Variants in GLIS3 observed in about 807,000 individuals in gnomAD.
The protein encoded by GLIS3 is GLIS family zinc finger 3.
GLIS3 carries 53 observed loss-of-function variants against 78.6 expected under a neutral mutation model. The ratio of observed to expected loss-of-function variants is 0.67; its 90% CI spans 0.54 to 0.85. GLIS3 has a LOEUF of 0.85. Among genes scored for constraint, GLIS3 ranks in the 40% least tolerant of loss-of-function variants. The probability of loss-of-function intolerance (pLI) is 0.00; values close to 1 mark genes in which losing one functional copy is unlikely to be tolerated. For synonymous variants in GLIS3, 684 were observed against 509.9 expected, an observed-to-expected ratio of 1.34 and a Z score of -4.60; for missense variants, 1,703 against 1,231.1, an observed-to-expected ratio of 1.38 and a Z score of -5.74.
chr9:4,326,067 G>C (rs1174934368), intron 2 of GLIS3, among the ~76,000 whole-genome samples: 1 of 152,156 alleles, frequency 6.6e-6, no homozygotes, highest in Non-Finnish European at 1.5e-5. Flanking sequence ...GTGGCAGGGA[G>C]GTAGAGCCTC....
At chr9:4,277,896 C>T (rs993319861) in intron 2 of GLIS3, among the ~76,000 whole-genome samples, 2 of 152,072 alleles carry the variant, frequency 1.3e-5, no homozygotes, top group Non-Finnish European at 2.9e-5. Context: ...ACAATATAAC[C>T]GGGATCCTTC....
chr9:4,278,431 T>C (rs891275675), intron 2 of GLIS3, among the ~76,000 whole-genome samples: 4 of 152,282 alleles, frequency 2.6e-5, no homozygotes, highest in East Asian at 1.9e-4. Flanking sequence ...AATGGGAACA[T>C]GTCATAAAGA....
chr9:4,477,935 T>C, the GLIS3 span, among the ~76,000 whole-genome samples: 1 of 152,234 alleles, frequency 6.6e-6, no homozygotes, highest in African/African-American at 2.4e-5. Context: ...CATTTGTCTC[T>C]TGCTATGAAA....
At chr9:3,879,875 A>G (rs1257015244) in intron 7 of GLIS3, among the ~76,000 whole-genome samples, 1 of 152,112 alleles carries the variant, frequency 6.6e-6, no homozygotes, top group Non-Finnish European at 1.5e-5. Context: ...ACACTGTATA[A>G]TTAGTCAGTC....
chr9:3,866,682 G>C (rs1479245547), intron 8 of GLIS3, among the ~76,000 whole-genome samples: 3 of 152,214 alleles, frequency 2.0e-5, no homozygotes, highest in African/African-American at 7.2e-5. Flanking sequence ...GGCTGGAACA[G>C]ATTAAACAAG....
the GLIS3 span, among the ~76,000 whole-genome samples, chr9:4,395,216 C>T: frequency 6.6e-6 from 1 of 152,184 alleles, no homozygotes; most frequent in African/African-American, 2.4e-5. Context: ...ACTCCAGTCA[C>T]ATCTTCTCCC....
chr9:4,153,356 G>A (rs1834822352), intron 2 of GLIS3, among the ~76,000 whole-genome samples: 1 of 152,170 alleles, frequency 6.6e-6, no homozygotes, highest in Non-Finnish European at 1.5e-5. Flanking sequence ...TTGAGGTCAG[G>A]AGTTCAAGAC....
At chr9:4,300,219 C>T (rs1817005304), upstream of GLIS3, among the ~76,000 whole-genome samples, 1 of 147,458 alleles carries the variant, frequency 6.8e-6, no homozygotes, top group Non-Finnish European at 1.5e-5. Context: ...CACACACACA[C>T]ACACACACAC....
Position 4,059,829 on chromosome 9 carries a change from T to TGTGTGAGAGAGA in GLIS3, c.1710+57938_1710+57939insTCTCTCTCACAC. On this transcript the variant is annotated intron_variant, in intron 4 of 10. Transcript: ENST00000381971. ...TTGTGTGTGTGTGTGTGTGTGTGTG[T>TGTGTGAGAGAGA]GAGAGAGAGAGAGAGAGAGAGAGAG... Among the ~76,000 whole-genome samples the TGTGTGAGAGAGA allele has an allele frequency of 4.4e-3, 442 of 100,686 alleles. 5 individuals carry two copies. The highest frequency in any genetic ancestry group is 0.014 in the African/African-American group (421 of 29,482). The allele number at this position is 100,686 out of a possible 152,430, so 66.1% of individuals were successfully genotyped here.
At chr9:4,399,588 T>C in the GLIS3 span, among the ~76,000 whole-genome samples, 1 of 152,248 alleles carries the variant, frequency 6.6e-6, no homozygotes, top group East Asian at 1.9e-4. Context: ...ACGTTTAATC[T>C]TGTAATTTGT....
At chr9:4,036,360 C>A (rs1293747261) in intron 4 of GLIS3, among the ~76,000 whole-genome samples, 1 of 151,512 alleles carries the variant, frequency 6.6e-6, no homozygotes, top group African/African-American at 2.4e-5. Context: ...TTTTACTATT[C>A]TCTGCTCCCC....
intron 6 of GLIS3, among the ~76,000 whole-genome samples, chr9:3,907,613 CACACACACACAG>C (rs201208622): frequency 0.23 from 28,506 of 125,904 alleles, 3,582 homozygotes; most frequent in Middle Eastern, 0.39. Context: ...CAAACACACA[CACACACACACAG>C]ACACACACAC....
chr9:4,215,966 A>G (rs1183240658), intron 2 of GLIS3, among the ~76,000 whole-genome samples: 2 of 152,238 alleles, frequency 1.3e-5, no homozygotes, highest in African/African-American at 4.8e-5. Flanking sequence ...TAATTCAAAT[A>G]TAACTCTCAT....
intron 7 of GLIS3, among the ~76,000 whole-genome samples, chr9:3,880,498 T>TTAAC (rs995317680): frequency 6.0e-4 from 91 of 152,356 alleles, no homozygotes; most frequent in African/African-American, 2.0e-3. Context: ...CTGATTCTCT[T>TTAAC]TAACTTCCTT....
At chr9:3,867,622 C>G (rs925418703) in intron 8 of GLIS3, among the ~76,000 whole-genome samples, 1 of 152,200 alleles carries the variant, frequency 6.6e-6, no homozygotes, top group East Asian at 1.9e-4. Context: ...AAGCTTTCAT[C>G]TCCATTTTCA....
At chr9:3,882,949 C>T (rs2380906) in intron 7 of GLIS3, among the ~76,000 whole-genome samples, 109,006 of 152,076 alleles carry the variant, frequency 0.72, 39,641 homozygotes, top group East Asian at 0.81. Context: ...CATGACAGCA[C>T]TTTGCATGCC....
intron 4 of GLIS3, among the ~76,000 whole-genome samples, chr9:4,057,475 A>T (rs1467145549): frequency 2.0e-5 from 3 of 152,204 alleles, no homozygotes; most frequent in African/African-American, 7.2e-5. Context: ...TTAAATGGAT[A>T]ATCACAGAAA....
At chr9:3,990,690 C>T (rs934723032) in intron 4 of GLIS3, among the ~76,000 whole-genome samples, 6 of 152,176 alleles carry the variant, frequency 3.9e-5, no homozygotes, top group Admixed American at 6.5e-5. Flanking sequence ...AGGAAAATTT[C>T]ACACTCAGAC....
rs989594547 is a variant in GLIS3, at chr9:3,977,876, A to C, written c.1711-40687T>G. Among the ~76,000 whole-genome samples the C allele has an allele frequency of 2.0e-5, 3 of 152,206 alleles. No homozygotes were observed. Among genetic ancestry groups the C allele is most frequent in the African/African-American group, 4.8e-5 (2 of 41,466 alleles). On this transcript the variant is annotated intron_variant, in intron 4 of 10. Coordinates refer to ENST00000381971, the MANE Select transcript of GLIS3 (RefSeq NM_001042413.2). This position sits in a 1 kb window ranked among gnomAD's most constrained non-coding sequence, Gnocchi z 4.1. Reference sequence around the variant, plus strand: ...TGCATCCAGCTGGTGAGGAGGTCTAATTTCACACCACGCAGCAATGAAATG... The same window carrying C: ...TGCATCCAGCTGGTGAGGAGGTCTACTTTCACACCACGCAGCAATGAAATG...
Sources: allele counts gnomAD v4.1 joint callset (sites outside exome capture counted in the v4.1 genomes callset), GRCh38; gene constraint gnomAD v4.1.1; non-coding constraint Gnocchi (gnomAD v3.1); transcripts MANE v1.5; gene names NCBI Gene and HGNC (gene_info 2026-07-23, HGNC 2026-07-21).